Variants in AGAP1 observed in about 807,000 individuals in gnomAD.
The protein encoded by AGAP1 is arf-GAP with GTPase, ANK repeat and PH domain-containing protein 1.
AGAP1 carries 29 observed loss-of-function variants against 105.3 expected under a neutral mutation model. The observed-to-expected ratio is 0.28, with a 90% CI of 0.21 to 0.38. The LOEUF (loss-of-function observed/expected upper bound fraction) is 0.38. Among genes scored for constraint, AGAP1 ranks in the 10% least tolerant of loss-of-function variants. The pLI is 1.00. For synonymous variants in AGAP1, 509 were observed against 485.9 expected (o/e 1.05, Z -0.63); for missense variants, 998 against 1,165.1 (o/e 0.86, Z 2.09).
At position 235,736,169 on chromosome 2, in the gene AGAP1, G is replaced by C. The variant is rs576140073; in HGVS notation, c.311-4794G>C. 6.6e-6 allele frequency among the ~76,000 whole-genome samples: 1 copy of C among 151,768 alleles called. No individual in the cohort carries two copies. Among genetic ancestry groups the C allele is most frequent in the Non-Finnish European group, 1.5e-5 (1 of 67,964 alleles). On this transcript the variant is annotated intron_variant, in intron 3 of 17. Coordinates refer to ENST00000304032, the MANE Select transcript of AGAP1 (RefSeq NM_001037131.3). The surrounding 1 kb of genome is among the most constrained non-coding windows in gnomAD (Gnocchi z 5.5). The stretch of plus-strand genomic sequence containing the variant: ...ACCTTAGGGTCAGGCAGCTGCGACC[G>C]ATCTGTCTGGTTCCTCACCCTGGGG...
rs920304380 is a variant in AGAP1, at chr2:236,101,841, T to C, written c.2115-18351T>C. The stretch of plus-strand genomic sequence containing the variant: ...TCACTGGGTACACATTTATCGGGAT[T>C]TATGCTTTAAAACAGTAGTTCACAT... On this transcript the variant is annotated intron_variant, in intron 16 of 17. Transcript: ENST00000304032. The surrounding 1 kb of genome is among the most constrained non-coding windows in gnomAD (Gnocchi z 4.9). 2.6e-5 allele frequency among the ~76,000 whole-genome samples: 4 copies of C among 152,210 alleles called. No individual in the cohort carries two copies. Among genetic ancestry groups the C allele is most frequent in the Admixed American group, 2.6e-4 (4 of 15,278 alleles).
intron 1 of AGAP1, among the ~76,000 whole-genome samples, chr2:235,626,421 G>A (rs192938268): frequency 8.6e-4 from 131 of 152,294 alleles, no homozygotes; most frequent in African/African-American, 2.9e-3. Context: ...TCCATTAATG[G>A]GGAGACCCAT....
At chr2:235,560,439 C>T (rs1944109971) in intron 1 of AGAP1, among the ~76,000 whole-genome samples, 1 of 152,060 alleles carries the variant, frequency 6.6e-6, no homozygotes, top group African/African-American at 2.4e-5. Context: ...CCCTAATCCC[C>T]AGAACTTGCG....
chr2:235,980,118 G>A (rs1265814722), intron 13 of AGAP1, among the ~76,000 whole-genome samples: 2 of 152,182 alleles, frequency 1.3e-5, no homozygotes, highest in Non-Finnish European at 1.5e-5. Flanking sequence ...GTGAAAGGAC[G>A]ACCCTCCGTG....
intron 9 of AGAP1, among the ~76,000 whole-genome samples, chr2:235,849,417 A>G (rs567320166): frequency 7.2e-5 from 11 of 152,272 alleles, no homozygotes; most frequent in African/African-American, 2.4e-4. Context: ...TGTAAAAGTG[A>G]TTTCTCTATC....
intron 6 of AGAP1, among the ~76,000 whole-genome samples, chr2:235,766,039 T>C (rs1439198860): frequency 1.3e-5 from 2 of 152,226 alleles, no homozygotes; most frequent in East Asian, 3.9e-4. Context: ...AAATTAGGTC[T>C]GTATCTTTTG....
chr2:235,849,242 G>A (rs544242805), intron 9 of AGAP1, among the ~76,000 whole-genome samples: 4 of 152,302 alleles, frequency 2.6e-5, no homozygotes, highest in East Asian at 1.9e-4. Context: ...TCTCAGAAAA[G>A]GACGAGGTCC....
At chr2:236,031,428 C>T (rs2125640664) in intron 13 of AGAP1, among the ~76,000 whole-genome samples, 1 of 152,318 alleles carries the variant, frequency 6.6e-6, no homozygotes, top group Non-Finnish European at 1.5e-5. Context: ...AGATCCTTCT[C>T]CAGGAGCCTG....
chr2:235,599,605 A>G lies in AGAP1; in HGVS notation c.163+104756A>G, dbSNP rs1039187298. On this transcript the variant is annotated intron_variant, in intron 1 of 17. Transcript: ENST00000304032. This position sits in a 1 kb window ranked among gnomAD's most constrained non-coding sequence, Gnocchi z 5.3. Reference sequence around the variant, plus strand: ...TTTGGAGAACTGCGGATCCCCTGCCATGGCCCATGTGGCTCCGGAAGTTCC... The same window carrying G: ...TTTGGAGAACTGCGGATCCCCTGCCGTGGCCCATGTGGCTCCGGAAGTTCC... Among the ~76,000 whole-genome samples the G allele has an allele frequency of 1.3e-5, 2 of 152,230 alleles. No homozygotes were observed. Among genetic ancestry groups the G allele is most frequent in the African/African-American group, 4.8e-5 (2 of 41,466 alleles).
Position 235,879,968 on chromosome 2 carries a change from G to T in AGAP1, c.1051-3377G>T, listed in dbSNP as rs565193989. ...AAAAACAGAAATAAAAAAATTAGCCGAACAGGATGGCACACGCCTGTAGTC... is the reference window on the plus strand; with the variant it reads ...AAAAACAGAAATAAAAAAATTAGCCTAACAGGATGGCACACGCCTGTAGTC... On this transcript the variant is annotated intron_variant, in intron 9 of 17. Transcript: ENST00000304032. This position sits in a 1 kb window ranked among gnomAD's most constrained non-coding sequence, Gnocchi z 5.0. 6.6e-6 allele frequency among the ~76,000 whole-genome samples: 1 copy of T among 151,464 alleles called. No homozygotes were observed. Among genetic ancestry groups the T allele is most frequent in the South Asian group, 2.1e-4 (1 of 4,770 alleles).
rs2059100073 is a variant in AGAP1 at position 236,092,913 on chromosome 2, G to C, written c.2115-27279G>C. On this transcript the variant is annotated intron_variant, in intron 16 of 17. Coordinates refer to ENST00000304032, the MANE Select transcript of AGAP1 (RefSeq NM_001037131.3). This position sits in a 1 kb window ranked among gnomAD's most constrained non-coding sequence, Gnocchi z 4.7. ...AGAGCTACCAGGGACCAGGGCAGAT[G>C]CCGCAGACAGAAACAGGAGCGGCTC... 6.6e-6 allele frequency among the ~76,000 whole-genome samples: 1 copy of C among 152,230 alleles called. No individual in the cohort carries two copies. The highest frequency in any genetic ancestry group is 2.4e-5 in the African/African-American group (1 of 41,472).
chr2:235,506,646 G>A (rs982738758), intron 1 of AGAP1, among the ~76,000 whole-genome samples: 17 of 152,156 alleles, frequency 1.1e-4, no homozygotes, highest in African/African-American at 3.6e-4. Flanking sequence ...TTTGAAAATA[G>A]GATGCCACTG....
In AGAP1 at chr2:235,691,458, T is replaced by C. The variant is rs1949731682; in HGVS notation, c.164-17721T>C. ...CATCTTTAAAATCCGCTGAAGACTGTAAAGATACTCATTTGAGATGTGCCA... is the reference window on the plus strand; with the variant it reads ...CATCTTTAAAATCCGCTGAAGACTGCAAAGATACTCATTTGAGATGTGCCA... On this transcript the variant is annotated intron_variant, in intron 1 of 17. Transcript: ENST00000304032. The surrounding 1 kb of genome is among the most constrained non-coding windows in gnomAD (Gnocchi z 4.4). 6.6e-6 allele frequency among the ~76,000 whole-genome samples: 1 copy of C among 152,238 alleles called. No individual in the cohort carries two copies. Among genetic ancestry groups the C allele is most frequent in the African/African-American group, 2.4e-5 (1 of 41,464 alleles).
intron 1 of AGAP1, among the ~76,000 whole-genome samples, chr2:235,589,905 G>A (rs1322590606): frequency 1.3e-5 from 2 of 151,496 alleles, no homozygotes; most frequent in Non-Finnish European, 2.9e-5. Flanking sequence ...TTTTGAGATG[G>A]TATCTCGTTC....
intron 9 of AGAP1, chr2:235,852,907 G>C: frequency 7.6e-7 from 1 of 1,324,424 alleles, no homozygotes; most frequent in Non-Finnish European, 9.7e-7. Context: ...CTTGCAGGCC[G>C]CTGCTGTTTG....
chr2:235,838,189 A>G (rs1281124687), intron 9 of AGAP1, among the ~76,000 whole-genome samples: 1 of 140,002 alleles, frequency 7.1e-6, no homozygotes, highest in Non-Finnish European at 1.6e-5. Flanking sequence ...GTGTCCCCCC[A>G]CCCCCCCAAA....
intron 1 of AGAP1, among the ~76,000 whole-genome samples, chr2:235,704,619 C>G (rs573800701): frequency 8.7e-5 from 12 of 137,518 alleles, no homozygotes; most frequent in Non-Finnish European, 1.6e-4. Context: ...ACACTCCAGC[C>G]TGGCAACAGA....
In AGAP1 at chr2:235,961,485, G is replaced by A. The variant is rs1033084309; in HGVS notation, c.1484-6977G>A. Among the ~76,000 whole-genome samples the A allele has an allele frequency of 3.9e-5, 6 of 152,330 alleles. No homozygotes were observed. The highest frequency in any genetic ancestry group is 3.9e-4 in the East Asian group (2 of 5,174). Reference sequence around the variant, plus strand: ...CACCAGTGGTTGGTGGGATGTGAGCGGGACTGGAGTGAGGCCAGCCGTGGA... The same window carrying A: ...CACCAGTGGTTGGTGGGATGTGAGCAGGACTGGAGTGAGGCCAGCCGTGGA... On this transcript the variant is annotated intron_variant, in intron 12 of 17. Transcript: ENST00000304032. The surrounding 1 kb of genome is among the most constrained non-coding windows in gnomAD (Gnocchi z 5.9).
In AGAP1 at chr2:235,720,704, T is replaced by G. The variant is rs1209392283; in HGVS notation, c.310+3060T>G. Reference sequence around the variant, plus strand: ...AATGTCTGTGCCCTGTTCTTCTGATTTAATTAGTGCGTGAGTATCCTTTAT... The same window carrying G: ...AATGTCTGTGCCCTGTTCTTCTGATGTAATTAGTGCGTGAGTATCCTTTAT... On this transcript the variant is annotated intron_variant, in intron 3 of 17. Transcript: ENST00000304032. The surrounding 1 kb of genome is among the most constrained non-coding windows in gnomAD (Gnocchi z 5.0). The G allele has an allele frequency of 1.0e-6, 1 of 985,236 alleles. No individual in the cohort carries two copies. Among genetic ancestry groups the G allele is most frequent in the Non-Finnish European group, 1.2e-6 (1 of 829,886 alleles). The allele number at this position is 985,236 out of a possible 1,614,324, so 61.0% of individuals were successfully genotyped here.
Sources: gnomAD v4.1 joint callset for allele counts (sites outside exome capture counted in the v4.1 genomes callset) on GRCh38, gnomAD v4.1.1 for gene constraint, Gnocchi (gnomAD v3.1) non-coding constraint, MANE v1.5 for transcripts, NCBI Gene and HGNC (gene_info 2026-07-23, HGNC 2026-07-21) for gene names.